STAU1: variants seen among roughly 807,000 people sequenced by gnomAD.
The protein encoded by STAU1 is staufen double-stranded RNA binding protein 1.
Under a neutral mutation model 62.9 loss-of-function variants are expected in STAU1, and 13 were observed. That is an observed-to-expected ratio of 0.21 (90% CI 0.13 to 0.33). The LOEUF is 0.33. Among genes scored for constraint, STAU1 ranks in the 10% least tolerant of loss-of-function variants. The pLI is 1.00. For synonymous variants in STAU1, 269 were observed against 265.1 expected, an observed-to-expected ratio of 1.01 and a Z score of -0.14; for missense variants, 571 against 712.1, an observed-to-expected ratio of 0.80 and a Z score of 2.25.
At chr20:49,190,579 G>A (rs188164987), upstream of STAU1, among the ~76,000 whole-genome samples, 1 of 152,208 alleles carries the variant, frequency 6.6e-6, no homozygotes, top group Non-Finnish European at 1.5e-5. Context: ...CCAAAGTACT[G>A]GGGGGATTAT....
chr20:49,165,290 G>T (rs1209183876), intron 3 of STAU1, among the ~76,000 whole-genome samples: 1 of 151,174 alleles, frequency 6.6e-6, no homozygotes, highest in Non-Finnish European at 1.5e-5. Flanking sequence ...TGATCTGCCC[G>T]CCTTGGCCTC....
At chr20:49,149,945 C>T (rs574631458) in intron 5 of STAU1, among the ~76,000 whole-genome samples, 1 of 152,332 alleles carries the variant, frequency 6.6e-6, no homozygotes, top group East Asian at 1.9e-4. Context: ...GCAGGATCCT[C>T]CTGTTCTTTG....
chr20:49,160,521 A>G (rs1162571217), intron 3 of STAU1, among the ~76,000 whole-genome samples: 1 of 152,218 alleles, frequency 6.6e-6, no homozygotes, highest in African/African-American at 2.4e-5. Flanking sequence ...GAAAAAAGTT[A>G]ACTCCAGATA....
chr20:49,210,856 C>T, the STAU1 span, among the ~76,000 whole-genome samples: 1 of 152,124 alleles, frequency 6.6e-6, no homozygotes, highest in Non-Finnish European at 1.5e-5. Flanking sequence ...AATTCAGTGA[C>T]ATTTAGTACA....
chr20:49,212,893 C>T, the STAU1 span, among the ~76,000 whole-genome samples: 9 of 151,978 alleles, frequency 5.9e-5, no homozygotes, highest in South Asian at 8.3e-4. Flanking sequence ...CCATCGTGCC[C>T]GGCCTACTGG....
At chr20:49,194,467 A>G in the STAU1 span, among the ~76,000 whole-genome samples, 52 of 151,702 alleles carry the variant, frequency 3.4e-4, no homozygotes, top group African/African-American at 1.1e-3. Context: ...AAGAAAAAAG[A>G]AAGGAAACTG....
intron 5 of STAU1, among the ~76,000 whole-genome samples, chr20:49,147,632 A>G (rs2093156288): frequency 6.6e-6 from 1 of 152,224 alleles, no homozygotes. Flanking sequence ...GACCGTGGAC[A>G]AAGACTTTAA....
chr20:49,142,646 G>A (rs2093034807), intron 5 of STAU1, among the ~76,000 whole-genome samples: 2 of 152,198 alleles, frequency 1.3e-5, no homozygotes, highest in African/African-American at 4.8e-5. Context: ...TTTATTTATA[G>A]TATTTGTTTA....
chr20:49,143,168 A>G (rs2093047802), intron 5 of STAU1, among the ~76,000 whole-genome samples: 1 of 152,166 alleles, frequency 6.6e-6, no homozygotes. Context: ...ATGGTTCAAA[A>G]CTAATCTACA....
chr20:49,127,652 G>C (rs1021403224), intron 6 of STAU1, among the ~76,000 whole-genome samples: 3 of 152,112 alleles, frequency 2.0e-5, no homozygotes, highest in Non-Finnish European at 4.4e-5. Flanking sequence ...GTTGCAGTGA[G>C]CTGAGATCGC....
At chr20:49,137,854 A>G (rs1430949946) in intron 5 of STAU1, among the ~76,000 whole-genome samples, 1 of 61,134 alleles carries the variant, frequency 1.6e-5, no homozygotes, top group Admixed American at 1.7e-4. Context: ...TTTTTTTTGT[A>G]TCTTTAGCAC....
At chr20:49,200,727 T>C in the STAU1 span, among the ~76,000 whole-genome samples, 6 of 151,926 alleles carry the variant, frequency 3.9e-5, no homozygotes, top group African/African-American at 1.4e-4. Flanking sequence ...TCCATTTCTA[T>C]GGCATTCTGG....
chr20:49,206,751 A>ATTTTTTTTTT, the STAU1 span, among the ~76,000 whole-genome samples: 15 of 95,036 alleles, frequency 1.6e-4, no homozygotes, highest in African/African-American at 6.0e-4. Context: ...ATATATATAT[A>ATTTTTTTTTT]TTTTATTTTA....
rs749788276 is a variant in STAU1, at chr20:49,146,890, G to A, written c.510+4692C>T. 2.0e-5 allele frequency among the ~76,000 whole-genome samples: 3 copies of A among 151,978 alleles called. No homozygotes were observed. In the South Asian group the frequency reaches 6.2e-4, roughly 32 times the overall value. ...GTTTTTAACCACTTTCCTAGTAACA[G>A]ACATTTAAGCTAGCCCCCGTTTTTC... On this transcript the variant is annotated intron_variant, in intron 5 of 13. Transcript: ENST00000371856.
At chr20:49,169,250 T>G (rs1026999146) in intron 2 of STAU1, among the ~76,000 whole-genome samples, 3 of 152,132 alleles carry the variant, frequency 2.0e-5, no homozygotes, top group Non-Finnish European at 2.9e-5. Context: ...GCGCCTGGCC[T>G]GATGCTAATG....
the STAU1 span, among the ~76,000 whole-genome samples, chr20:49,218,366 A>G: frequency 6.6e-6 from 1 of 151,432 alleles, no homozygotes; most frequent in Non-Finnish European, 1.5e-5. Context: ...CTGGGACTAC[A>G]GGCGCCCGCC....
At chr20:49,140,314 C>T (rs921009130) in intron 5 of STAU1, among the ~76,000 whole-genome samples, 2 of 152,022 alleles carry the variant, frequency 1.3e-5, no homozygotes, top group Admixed American at 1.3e-4. Context: ...TCTAGATATA[C>T]ACCCAAAAGA....
At chr20:49,169,797 C>T (rs2093573918) in intron 2 of STAU1, among the ~76,000 whole-genome samples, 1 of 152,190 alleles carries the variant, frequency 6.6e-6, no homozygotes, top group South Asian at 2.1e-4. Flanking sequence ...GGGCTTTAGA[C>T]ACCAGATCAA....
At chr20:49,195,618 T>C in the STAU1 span, among the ~76,000 whole-genome samples, 1 of 124,924 alleles carries the variant, frequency 8.0e-6, no homozygotes, top group Admixed American at 8.4e-5. Context: ...GAAATAACAA[T>C]GTAGGCTGGG....
Sources: allele counts gnomAD v4.1 joint callset (sites outside exome capture counted in the v4.1 genomes callset), GRCh38; gene constraint gnomAD v4.1.1; transcripts MANE v1.5; gene names NCBI Gene and HGNC (gene_info 2026-07-23, HGNC 2026-07-21).